Variants in TXNL1 observed in about 807,000 individuals in gnomAD.
TXNL1 encodes the protein thioredoxin-like protein 1.
TXNL1 carries 14 observed loss-of-function variants against 35.5 expected under a neutral mutation model. The ratio of observed to expected loss-of-function variants is 0.39; its 90% CI spans 0.26 to 0.62. The LOEUF (loss-of-function observed/expected upper bound fraction) is 0.62, where lower values mean the gene tolerates loss of function less well. Among genes scored for constraint, TXNL1 ranks in the 20% least tolerant of loss-of-function variants. The pLI, the probability that TXNL1 is intolerant of heterozygous loss-of-function variation, is 0.47. For missense variants in TXNL1, 263 were observed against 349.7 expected, an observed-to-expected ratio of 0.75 and a Z score of 1.98; for synonymous variants, 110 against 115.5, an observed-to-expected ratio of 0.95 and a Z score of 0.31.
At chr18:56,620,478 C>A (rs181267220) in intron 3 of TXNL1, among the ~76,000 whole-genome samples, 7 of 152,244 alleles carry the variant, frequency 4.6e-5, no homozygotes, top group Admixed American at 1.3e-4. Context: ...GATCTTTATA[C>A]GGATTTGGCA....
intron 1 of TXNL1, among the ~76,000 whole-genome samples, chr18:56,630,205 A>G (rs1190204215): frequency 2.8e-5 from 4 of 142,632 alleles, no homozygotes; most frequent in African/African-American, 1.0e-4. Context: ...TTGGAAAAGA[A>G]AAAAAAAAAA....
At chr18:56,617,351 C>A (rs2144303948) in intron 4 of TXNL1, among the ~76,000 whole-genome samples, 1 of 152,248 alleles carries the variant, frequency 6.6e-6, no homozygotes, top group East Asian at 1.9e-4. Flanking sequence ...ATCAAGTCAG[C>A]CTCCTCCTAA....
rs533609304 is a variant in TXNL1, at chr18:56,598,736, T to C, written c.*4291A>G. The stretch of plus-strand genomic sequence containing the variant: ...CTGAGAGCAGGATACAGAAGATACT[T>C]ATCCTTGTTCCAGATACAAAGTAAG... On this transcript the variant is annotated 3_prime_UTR_variant, in exon 8 of 8. Transcript: ENST00000217515. The C allele has an allele frequency of 6.6e-6, 1 of 152,326 alleles. No individual in the cohort carries two copies. The highest frequency in any genetic ancestry group is 1.9e-4 in the East Asian group (1 of 5,186). The allele number at this position is 152,326 out of a possible 1,614,324, so 9.4% of individuals were successfully genotyped here. A position where few individuals can be genotyped will look rare whatever the true frequency, so the allele number is the denominator to read the frequency against.
rs1249153580 is a variant in TXNL1, at chr18:56,597,561, T to C, written c.*5466A>G. The C allele has an allele frequency of 1.3e-5, 2 of 152,166 alleles. No homozygotes were observed. The highest frequency in any genetic ancestry group is 6.5e-5 in the Admixed American group (1 of 15,274). 9.4% of individuals were successfully genotyped at this position (152,166 alleles called of 1,614,324 possible). On this transcript the variant is annotated 3_prime_UTR_variant, in exon 8 of 8. Transcript: ENST00000217515. ...AACACTACTTTATTACCACCTCCTG[T>C]TTTTCCTCCCTTTCCTGTTTACTAC...
At chr18:56,604,081 T>C (rs2023851736) in intron 7 of TXNL1, among the ~76,000 whole-genome samples, 1 of 152,092 alleles carries the variant, frequency 6.6e-6, no homozygotes, top group South Asian at 2.1e-4. Flanking sequence ...ATCCTAGAAA[T>C]GTTTTTCCCA....
At chr18:56,603,356 G>C (rs2144272175) in intron 7 of TXNL1, among the ~76,000 whole-genome samples, 1 of 150,336 alleles carries the variant, frequency 6.7e-6, no homozygotes, top group South Asian at 2.1e-4. Flanking sequence ...AAAAAATGAT[G>C]CTATATGAGT....
chr18:56,607,233 G>A lies in TXNL1; in HGVS notation c.840+3760C>T, dbSNP rs181844767. On this transcript the variant is annotated intron_variant, in intron 7 of 7. Coordinates refer to ENST00000217515, the MANE Select transcript of TXNL1 (RefSeq NM_004786.3). ...GAATCTTACTATGTTTATCAGGCTGGTCTTGAACTCCTGGGCTCAAGTGAT... is the reference window on the plus strand; with the variant it reads ...GAATCTTACTATGTTTATCAGGCTGATCTTGAACTCCTGGGCTCAAGTGAT... Among the ~76,000 whole-genome samples the A allele has an allele frequency of 4.0e-3, 605 of 150,816 alleles. 2 individuals are homozygous for A. The highest frequency in any genetic ancestry group is 9.8e-3 in the Admixed American group (148 of 15,110).
chr18:56,625,060 C>T (rs536101776), intron 2 of TXNL1, among the ~76,000 whole-genome samples: 1 of 152,014 alleles, frequency 6.6e-6, no homozygotes, highest in Non-Finnish European at 1.5e-5. Flanking sequence ...TAATAACCAC[C>T]GAGTATCCTA....
At chr18:56,625,976 T>C (rs2024271810) in intron 2 of TXNL1, among the ~76,000 whole-genome samples, 1 of 152,204 alleles carries the variant, frequency 6.6e-6, no homozygotes, top group Non-Finnish European at 1.5e-5. Flanking sequence ...GGAGATAAGA[T>C]AACAAACTGA....
rs565249178 is a variant in TXNL1 at position 56,628,153 on chromosome 18, G to A, written c.99-1696C>T. On this transcript the variant is annotated intron_variant, in intron 1 of 7. Coordinates refer to ENST00000217515, the MANE Select transcript of TXNL1 (RefSeq NM_004786.3). ...GCAGGAAAGATGTTCTACTTCATTA[G>A]TCATCAGGGATACCCGGGAAATGCA... Among the ~76,000 whole-genome samples the A allele has an allele frequency of 1.4e-4, 21 of 152,216 alleles. No individual in the cohort carries two copies. In the South Asian group the frequency reaches 3.1e-3, roughly 23 times the overall value.
chr18:56,598,486 T>C lies in TXNL1; in HGVS notation c.*4541A>G, dbSNP rs1159366468. On this transcript the variant is annotated 3_prime_UTR_variant, in exon 8 of 8. Transcript: ENST00000217515. The stretch of plus-strand genomic sequence containing the variant: ...TTAGGTCAGAGGAAGGCATGCGATA[T>C]TAGGGTACGTTCTGCTACCTGGTAA... 6.6e-6 allele frequency: 1 copy of C among 152,162 alleles called. No individual in the cohort carries two copies. Among genetic ancestry groups the C allele is most frequent in the Non-Finnish European group, 1.5e-5 (1 of 68,096 alleles). The allele number at this position is 152,162 out of a possible 1,614,324, so 9.4% of individuals were successfully genotyped here. A position where few individuals can be genotyped will look rare whatever the true frequency, so the allele number is the denominator to read the frequency against.
At position 56,624,345 on chromosome 18, in the gene TXNL1, CTTGA is replaced by C; in HGVS notation, c.308_311del (p.Ile103SerfsTer4). On this transcript the variant is annotated frameshift_variant, in exon 3 of 8. Transcript: ENST00000217515. LOFTEE classifies it high-confidence loss of function. ...TTCCAGGGTCATTTTCTAAGTGCTG[CTTGA>C]TTTTTTCTTCTAATCCCACAGCATC... 6.2e-7 allele frequency: 1 copy of C among 1,613,772 alleles called. No homozygotes were observed. The highest frequency in any genetic ancestry group is 8.5e-7 in the Non-Finnish European group (1 of 1,179,870).
chr18:56,618,259 A>G, intron 3 of TXNL1, 133 bp from the exon 4 acceptor site: 1 of 928,794 alleles, frequency 1.1e-6, no homozygotes. Context: ...AAACTTTTAC[A>G]GTAGTCCTTT....
intron 6 of TXNL1, among the ~76,000 whole-genome samples, chr18:56,614,168 T>TC (rs1253653866): frequency 6.6e-6 from 1 of 152,170 alleles, no homozygotes; most frequent in Non-Finnish European, 1.5e-5. Context: ...AGTTGTAGAA[T>TC]AAACTTCCAG....
Position 56,601,480 on chromosome 18 carries a change from C to T in TXNL1, c.*1547G>A, listed in dbSNP as rs1165535186. 1 of 152,170 alleles carries T rather than the reference C, an allele frequency of 6.6e-6. No individual in the cohort carries two copies. Among genetic ancestry groups the T allele is most frequent in the East Asian group, 1.9e-4 (1 of 5,192 alleles). 9.4% of individuals were successfully genotyped at this position (152,170 alleles called of 1,614,324 possible). A position where few individuals can be genotyped will look rare whatever the true frequency, so the allele number is the denominator to read the frequency against. Reference sequence around the variant, plus strand: ...GTGTACAAAACTGTAAACCAAAACCCTGCATATTAATCTTATCCTTAATTT... The same window carrying T: ...GTGTACAAAACTGTAAACCAAAACCTTGCATATTAATCTTATCCTTAATTT... On this transcript the variant is annotated 3_prime_UTR_variant, in exon 8 of 8. Coordinates refer to ENST00000217515, the MANE Select transcript of TXNL1 (RefSeq NM_004786.3).
chr18:56,624,709 A>G (rs2024247110), intron 2 of TXNL1, among the ~76,000 whole-genome samples: 1 of 152,202 alleles, frequency 6.6e-6, no homozygotes, highest in Admixed American at 6.5e-5. Flanking sequence ...TGGTAAATAC[A>G]TCATCCAGTA....
intron 7 of TXNL1, chr18:56,610,457 T>A (rs1399833545): frequency 5.9e-5 from 9 of 152,702 alleles, no homozygotes; most frequent in Admixed American, 5.9e-4. Flanking sequence ...CACATAAAGA[T>A]ATACAAAAAT....
chr18:56,618,247 T>C (rs1028049428), intron 3 of TXNL1, 121 bp from the exon 4 acceptor site: 8 of 1,093,054 alleles, frequency 7.3e-6, no homozygotes, highest in South Asian at 1.7e-5. Context: ...AAACAGTTCA[T>C]AAAACTTTTA....
At chr18:56,605,106 A>T (rs1044687214) in intron 7 of TXNL1, 4 of 152,118 alleles carry the variant, frequency 2.6e-5, no homozygotes, top group Admixed American at 2.0e-4. Context: ...CCCAAAACAA[A>T]AGCCAAAACA....
Sources: allele counts gnomAD v4.1 joint callset (sites outside exome capture counted in the v4.1 genomes callset), GRCh38; gene constraint gnomAD v4.1.1; transcripts MANE v1.5; gene names NCBI Gene and HGNC (gene_info 2026-07-23, HGNC 2026-07-21).